Variants in DRP2 observed in about 807,000 individuals in gnomAD.
The protein encoded by DRP2 is dystrophin related protein 2.
A neutral mutation model predicts 78.2 loss-of-function variants in DRP2; 29 were observed. The ratio of observed to expected loss-of-function variants is 0.37; its 90% confidence interval spans 0.28 to 0.51. The LOEUF (loss-of-function observed/expected upper bound fraction) is 0.51. Among genes scored for constraint, DRP2 ranks in the 20% least tolerant of loss-of-function variants. DRP2 has a pLI of 0.94. For synonymous variants in DRP2, 290 were observed against 281.9 expected, an observed-to-expected ratio of 1.03 and a Z score of -0.29; for missense variants, 686 against 770.6, an observed-to-expected ratio of 0.89 and a Z score of 1.30.
chrX:101,243,089 C>A, intron 9 of DRP2, 107 bp downstream of exon 9: 1 of 705,502 alleles, frequency 1.4e-6, no homozygotes, highest in Non-Finnish European at 2.2e-6. Context: ...ACCTTGACAT[C>A]CGAGAAGCAG....
In DRP2 at chrX:101,254,407, G is replaced by T. The variant is rs1277793551; in HGVS notation, c.1978-18G>T. On this transcript the variant is annotated intron_variant, in intron 17 of 23. Transcript: ENST00000395209. ...GGAAGCCATTAGGGTAAGTTCCTCT[G>T]CCCTGTCTCCTCCTCAGACCACATC... The T allele has an allele frequency of 1.7e-6, 2 of 1,209,336 alleles. No homozygotes were observed. Among genetic ancestry groups the T allele is most frequent in the African/African-American group, 3.5e-5 (2 of 57,113 alleles).
rs6621011 is a variant in DRP2 at position 101,224,415 on chromosome X, G to A, written c.-166-189G>A. Among the ~76,000 whole-genome samples, 8 of 884 alleles carry A rather than the reference G, an allele frequency of 9.0e-3. 1 individual carries two copies. The highest frequency in any genetic ancestry group is 0.031 in the Non-Finnish European group (2 of 65). The allele number at this position is 884 out of a possible 115,157, so 0.8% of individuals were successfully genotyped here. A position where few individuals can be genotyped will look rare whatever the true frequency, so the allele number is the denominator to read the frequency against. ...GTCTCAAAAAAAAAAACAAAAAAAAGCCCAAAAAACCCGGATGTCCAGGCT... is the reference window on the plus strand; with the variant it reads ...GTCTCAAAAAAAAAAACAAAAAAAAACCCAAAAAACCCGGATGTCCAGGCT... On this transcript the variant is annotated intron_variant, in intron 1 of 23. Transcript: ENST00000395209.
intron 20 of DRP2, among the ~76,000 whole-genome samples, chrX:101,255,483 G>C (rs1923304705): frequency 9.0e-6 from 1 of 111,468 alleles, no homozygotes; most frequent in Non-Finnish European, 1.9e-5. Context: ...ATCTTTCCAA[G>C]TCCCTTCCTG....
rs772359746 is a variant in DRP2 at position 101,260,108 on chromosome X, G to A, written c.2688G>A (p.Gln896=). Reference sequence around the variant, plus strand: ...GCTCGTCCCTAGCTTCCTCTCCACAGCAGTCAGAAGGCAGTCACCCCCGGG... The same window carrying A: ...GCTCGTCCCTAGCTTCCTCTCCACAACAGTCAGAAGGCAGTCACCCCCGGG... ...SAGSSLASSP[Q]QSEGSHPREK... is the part of the protein sequence containing the mutation. Residue 896 remains glutamine, a synonymous_variant, in exon 23 of 24, where the codon CAG becomes CAA. Coordinates refer to ENST00000395209, the MANE Select transcript of DRP2 (RefSeq NM_001939.3). 8.3e-7 allele frequency: 1 copy of A among 1,211,380 alleles called. No homozygotes were observed. The highest frequency in any genetic ancestry group is 2.3e-4 in the Middle Eastern group (1 of 4,353).
At chrX:101,227,271 T>G (rs1007311632) in intron 2 of DRP2, among the ~76,000 whole-genome samples, 3 of 111,869 alleles carry the variant, frequency 2.7e-5, no homozygotes, top group African/African-American at 9.8e-5. Flanking sequence ...TATCCTTTTT[T>G]TTGTTTGTTT....
chrX:101,239,865 C>A (rs1304528728), intron 6 of DRP2, among the ~76,000 whole-genome samples: 1 of 111,064 alleles, frequency 9.0e-6, no homozygotes, highest in East Asian at 2.8e-4. Context: ...GCGTGAGCCA[C>A]CACGCCTGGC....
At chrX:101,235,547 G>A (rs1922467260) in intron 3 of DRP2, among the ~76,000 whole-genome samples, 1 of 112,472 alleles carries the variant, frequency 8.9e-6, no homozygotes, top group South Asian at 3.7e-4. Context: ...CCCCATCTGG[G>A]CAGTGGTCCT....
At chrX:101,239,857 G>A (rs191154687) in intron 6 of DRP2, among the ~76,000 whole-genome samples, 7 of 110,901 alleles carry the variant, frequency 6.3e-5, no homozygotes, top group Admixed American at 1.9e-4. Context: ...GATTACAGGC[G>A]TGAGCCACCA....
At chrX:101,254,949 G>C (rs1245762752) in intron 19 of DRP2, 25 bp downstream of exon 19, 2 of 1,207,471 alleles carry the variant, frequency 1.7e-6, no homozygotes, top group African/African-American at 3.5e-5. Context: ...GCGGGAGGTG[G>C]GTAGGAGCTG....
rs1923615940 is a variant in DRP2, at chrX:101,262,967, T to A, written c.*2346T>A. ...CCACCCCACCTGAGAGCTCTTGGGC[T>A]GCTGAGGGCCTGTGGCAACTGCAGT... On this transcript the variant is annotated 3_prime_UTR_variant, in exon 24 of 24. Coordinates refer to ENST00000395209, the MANE Select transcript of DRP2 (RefSeq NM_001939.3). 9.0e-6 allele frequency: 1 copy of A among 111,438 alleles called. No individual in the cohort carries two copies. Among genetic ancestry groups the A allele is most frequent in the Admixed American group, 9.5e-5 (1 of 10,520 alleles). The allele number at this position is 111,438 out of a possible 1,213,427, so 9.2% of individuals were successfully genotyped here.
chrX:101,239,881 A>T (rs768342213), intron 6 of DRP2, among the ~76,000 whole-genome samples: 2 of 110,053 alleles, frequency 1.8e-5, no homozygotes, highest in South Asian at 3.9e-4. Flanking sequence ...CTGGCCCAAA[A>T]TTTTTTTTTA....
intron 1 of DRP2, among the ~76,000 whole-genome samples, chrX:101,221,825 C>CAAG (rs1269028078): frequency 1.8e-5 from 2 of 111,928 alleles, no homozygotes; most frequent in African/African-American, 6.5e-5. Flanking sequence ...TAATGAAGGC[C>CAAG]AAGAAGATAG....
Position 101,260,111 on chromosome X carries a change from G to C in DRP2, c.2691G>C (p.Gln897His). ...CGTCCCTAGCTTCCTCTCCACAGCA[G>C]TCAGAAGGCAGTCACCCCCGGGAGA... ...AGSSLASSPQ[Q>H]SEGSHPREKG... The change falls in exon 23 of 24, where the codon CAG becomes CAC. Residue 897 changes from glutamine to histidine, a missense_variant. Gln to His is a conservative substitution (Grantham distance 24, BLOSUM62 0). Transcript: ENST00000395209. The C allele has an allele frequency of 8.3e-7, 1 of 1,211,459 alleles. No homozygotes were observed. Among genetic ancestry groups the C allele is most frequent in the Non-Finnish European group, 1.1e-6 (1 of 895,453 alleles).
intron 1 of DRP2, among the ~76,000 whole-genome samples, chrX:101,222,444 G>T (rs1208258643): frequency 2.7e-5 from 3 of 112,149 alleles, no homozygotes; most frequent in Non-Finnish European, 5.6e-5. Context: ...TAATCATATT[G>T]TTTTCCTTCC....
At chrX:101,225,043 T>G (rs1339740108) in intron 2 of DRP2, among the ~76,000 whole-genome samples, 1 of 111,857 alleles carries the variant, frequency 8.9e-6, no homozygotes, top group Non-Finnish European at 1.9e-5. Flanking sequence ...AAAAAAAAAT[T>G]TATTGAGCTC....
intron 4 of DRP2, among the ~76,000 whole-genome samples, chrX:101,236,704 G>A (rs1489442366): frequency 8.9e-6 from 1 of 112,237 alleles, no homozygotes. Context: ...TTGAAAGAAT[G>A]CAGGCTTTGG....
intron 9 of DRP2, 108 bp from the exon 10 acceptor site, chrX:101,244,909 C>A (rs1922871236): frequency 2.9e-6 from 2 of 697,987 alleles, no homozygotes; most frequent in African/African-American, 2.2e-5. Flanking sequence ...TTCAGACATC[C>A]CCTTTTGGGC....
intron 11 of DRP2, among the ~76,000 whole-genome samples, chrX:101,246,773 A>G (rs1259389519): frequency 8.9e-6 from 1 of 112,654 alleles, no homozygotes; most frequent in Non-Finnish European, 1.9e-5. Context: ...ACATATATAC[A>G]TGTATACTAT....
In DRP2 at chrX:101,241,754, A is replaced by G. The variant is rs749587463; in HGVS notation, c.646A>G (p.Thr216Ala). The G allele has an allele frequency of 9.2e-5, 111 of 1,209,942 alleles. No individual in the cohort carries two copies. Among genetic ancestry groups the G allele is most frequent in the Middle Eastern group, 4.6e-4 (2 of 4,375 alleles). Reference protein sequence around the residue: ...TVASELWEKLTARCVDQHRHI... With the variant: ...TVASELWEKLAARCVDQHRHI... ...GGCCAGTGAACTGTGGGAGAAGTTGACAGCCCGCTGTGTGGACCAGCACCG... is the reference window on the plus strand; with the variant it reads ...GGCCAGTGAACTGTGGGAGAAGTTGGCAGCCCGCTGTGTGGACCAGCACCG... The change falls in exon 7 of 24, where the codon ACA (threonine) becomes GCA (alanine). Residue 216 changes from threonine (T) to alanine (A), a missense_variant. Physicochemically the swap from Thr to Ala is moderately conservative, Grantham distance 58. Coordinates refer to ENST00000395209, the MANE Select transcript of DRP2 (RefSeq NM_001939.3).
Sources: allele counts gnomAD v4.1 joint callset (sites outside exome capture counted in the v4.1 genomes callset), GRCh38; gene constraint gnomAD v4.1.1; transcripts MANE v1.5; gene names NCBI Gene and HGNC (gene_info 2026-07-23, HGNC 2026-07-21).